SLC45A4: variants seen among roughly 807,000 people sequenced by gnomAD.
SLC45A4 encodes solute carrier family 45 member 4.
Under a neutral mutation model 63.7 loss-of-function variants are expected in SLC45A4, and 32 were observed. That is an observed-to-expected ratio of 0.50 (90% CI 0.38 to 0.67). SLC45A4 has a LOEUF of 0.67. Among genes scored for constraint, SLC45A4 ranks in the 30% least tolerant of loss-of-function variants. The pLI is 0.00. For missense variants in SLC45A4, 1,027 were observed against 1,157.7 expected (o/e 0.89, Z 1.64); for synonymous variants, 535 against 510.0 (o/e 1.05, Z -0.66).
At chr8:141,260,409 C>G (rs1828997276) in intron 1 of SLC45A4, among the ~76,000 whole-genome samples, 1 of 152,142 alleles carries the variant, frequency 6.6e-6, no homozygotes. Context: ...TCATGTTAAC[C>G]AACCTTAATT....
chr8:141,226,607 CG>C (rs1284297006), intron 2 of SLC45A4: 1 of 152,528 alleles, frequency 6.6e-6, no homozygotes, highest in Non-Finnish European at 1.5e-5. Context: ...CGGCTTCCCT[CG>C]GGAGTGGTCA....
Position 141,217,184 on chromosome 8 carries a change from G to T in SLC45A4, c.1635C>A (p.Pro545=). Residue 545 remains proline (P), a synonymous_variant, in exon 6 of 9, where the codon CCC becomes CCA. Transcript: ENST00000517878. ...AGGCTTGCCAGGCGGTCGAGTTCGA[G>T]GGGGCCTGTTCCGGAAATGAGACGG... ...QVIFEGDPKA[P]SNSTAWQAYN... 6.2e-7 allele frequency: 1 copy of T among 1,613,610 alleles called. No homozygotes were observed. Among genetic ancestry groups the T allele is most frequent in the Non-Finnish European group, 8.5e-7 (1 of 1,179,944 alleles).
Position 141,208,528 on chromosome 8 carries a change from A to G in SLC45A4, c.*3044T>C, listed in dbSNP as rs1825639699. On this transcript the variant is annotated 3_prime_UTR_variant, in exon 9 of 9. Coordinates refer to ENST00000517878, the MANE Select transcript of SLC45A4 (RefSeq NM_001286646.2). ...GCCCTGCCTCCCCCCCGGGGACAGG[A>G]CTGGACAGAGTGCTTCTCCCAGGGG... The G allele has an allele frequency of 6.6e-6, 1 of 152,498 alleles. No homozygotes were observed. The highest frequency in any genetic ancestry group is 1.5e-5 in the Non-Finnish European group (1 of 68,280). 9.4% of individuals were successfully genotyped at this position (152,498 alleles called of 1,614,324 possible).
At chr8:141,245,446 G>A (rs1206595904) in intron 2 of SLC45A4, among the ~76,000 whole-genome samples, 1 of 152,148 alleles carries the variant, frequency 6.6e-6, no homozygotes, top group Non-Finnish European at 1.5e-5. Flanking sequence ...AACGAACAAT[G>A]GGCCTTCCGC....
intron 8 of SLC45A4, 138 bp from the exon 9 acceptor site, chr8:141,211,835 T>C: frequency 3.8e-6 from 5 of 1,307,552 alleles, no homozygotes; most frequent in Non-Finnish European, 3.9e-6. Flanking sequence ...TCTTATTTTT[T>C]CTAAGTTGCT....
chr8:141,231,595 G>A (rs531431805), intron 2 of SLC45A4, among the ~76,000 whole-genome samples: 1 of 152,322 alleles, frequency 6.6e-6, no homozygotes, highest in South Asian at 2.1e-4. Context: ...GACCCACACC[G>A]AGTGGTCGGG....
rs992326445 is a variant in SLC45A4 at position 141,278,507 on chromosome 8, C to T, written c.-400-23878G>A. On this transcript the variant is annotated intron_variant, in intron 1 of 8. Coordinates refer to ENST00000517878, the MANE Select transcript of SLC45A4 (RefSeq NM_001286646.2). The surrounding 1 kb of genome is among the most constrained non-coding windows in gnomAD (Gnocchi z 4.1). Reference sequence around the variant, plus strand: ...CAGGGGTGAGCACCTGTGGTGGAGGCGGGGCGGGCGGCCGACCCACGAGGA... The same window carrying T: ...CAGGGGTGAGCACCTGTGGTGGAGGTGGGGCGGGCGGCCGACCCACGAGGA... Among the ~76,000 whole-genome samples the T allele has an allele frequency of 1.5e-4, 22 of 150,490 alleles. No individual in the cohort carries two copies. Among genetic ancestry groups the T allele is most frequent in the Non-Finnish European group, 2.7e-4 (18 of 67,498 alleles).
In SLC45A4 at chr8:141,219,777, C is replaced by T. The variant is rs376006337; in HGVS notation, c.483G>A (p.Thr161=). 3.6e-5 allele frequency: 58 copies of T among 1,598,958 alleles called. No individual in the cohort carries two copies. Among genetic ancestry groups the T allele is most frequent in the Middle Eastern group, 3.3e-4 (2 of 6,056 alleles). ...AGTCCAGGACCACCACTCCCAGCAC[C>T]GTGAGCACGATGCCAATGGGCTGCC... ...PNRQPIGIVL[T]VLGVVVLDFS... The change falls in exon 4 of 9, where the codon ACG becomes ACA. Residue 161 remains threonine, a synonymous_variant. Coordinates refer to ENST00000517878, the MANE Select transcript of SLC45A4 (RefSeq NM_001286646.2).
intron 3 of SLC45A4, among the ~76,000 whole-genome samples, chr8:141,220,647 G>A (rs1191099156): frequency 2.6e-5 from 4 of 152,372 alleles, no homozygotes; most frequent in East Asian, 3.9e-4. Flanking sequence ...ACACCTGTCC[G>A]TGGGAGGCGC....
At chr8:141,234,128 G>A (rs1321751613) in intron 2 of SLC45A4, among the ~76,000 whole-genome samples, 2 of 152,246 alleles carry the variant, frequency 1.3e-5, no homozygotes, top group Non-Finnish European at 2.9e-5. Flanking sequence ...ACCTGAGGGA[G>A]TGGGGACTGT....
At chr8:141,232,331 G>T (rs575963536) in intron 2 of SLC45A4, among the ~76,000 whole-genome samples, 1 of 152,374 alleles carries the variant, frequency 6.6e-6, no homozygotes, top group South Asian at 2.1e-4. Flanking sequence ...GTCCCCTTCA[G>T]CTATAAGCCT....
intron 1 of SLC45A4, among the ~76,000 whole-genome samples, chr8:141,274,052 A>G (rs775255983): frequency 7.9e-5 from 12 of 151,108 alleles, no homozygotes; most frequent in Non-Finnish European, 1.3e-4. Flanking sequence ...ACACAGTGAA[A>G]CCTCGTCTCT....
intron 1 of SLC45A4, among the ~76,000 whole-genome samples, chr8:141,265,943 A>G (rs1829248761): frequency 6.6e-6 from 1 of 152,156 alleles, no homozygotes; most frequent in Admixed American, 6.5e-5. Flanking sequence ...AACTTCCTCT[A>G]TTGTCCTGTT....
intron 1 of SLC45A4, among the ~76,000 whole-genome samples, chr8:141,287,686 T>G (rs879007682): frequency 7.9e-5 from 12 of 152,252 alleles, no homozygotes; most frequent in Admixed American, 5.9e-4. Flanking sequence ...AGTGCCTCCT[T>G]TCACCTGCCA....
intron 1 of SLC45A4, among the ~76,000 whole-genome samples, chr8:141,306,186 G>A (rs1254067431): frequency 1.3e-5 from 2 of 152,202 alleles, no homozygotes; most frequent in African/African-American, 4.8e-5. Flanking sequence ...AGGCCCGGGA[G>A]GTGGCCCTGG....
intron 1 of SLC45A4, among the ~76,000 whole-genome samples, chr8:141,294,959 G>A (rs1011351832): frequency 1.3e-5 from 2 of 152,240 alleles, no homozygotes; most frequent in African/African-American, 2.4e-5. Flanking sequence ...GGCAGGTAAT[G>A]GAGCATTCAC....
At chr8:141,235,143 T>C (rs28411786) in intron 2 of SLC45A4, among the ~76,000 whole-genome samples, 47,666 of 151,886 alleles carry the variant, frequency 0.31, 7,964 homozygotes, top group East Asian at 0.45. Flanking sequence ...TTGTCCAAGG[T>C]TGTCACACTC....
intron 1 of SLC45A4, among the ~76,000 whole-genome samples, chr8:141,290,290 C>T (rs7011387): frequency 0.033 from 5,013 of 152,088 alleles, 146 homozygotes; most frequent in Middle Eastern, 0.085. Flanking sequence ...CAGGACTCCT[C>T]GGCACCGGCA....
intron 2 of SLC45A4, chr8:141,225,974 G>T: frequency 6.5e-6 from 1 of 153,522 alleles, no homozygotes; most frequent in Non-Finnish European, 1.5e-5. Context: ...CCCTAGGTCA[G>T]GCCTCCCCAC....
Sources: gnomAD v4.1 joint callset for allele counts (sites outside exome capture counted in the v4.1 genomes callset) on GRCh38, gnomAD v4.1.1 for gene constraint, Gnocchi (gnomAD v3.1) non-coding constraint, MANE v1.5 for transcripts, NCBI Gene and HGNC (gene_info 2026-07-23, HGNC 2026-07-21) for gene names.